Variants in NRCAM observed in about 807,000 individuals in gnomAD.
NRCAM encodes the protein NgCAM-related cell adhesion molecule.
In NRCAM, 83 loss-of-function variants were observed where a neutral mutation model predicts 156.5. The observed-to-expected ratio is 0.53, with a 90% CI of 0.44 to 0.64. The LOEUF is 0.64. Among genes scored for constraint, NRCAM ranks in the 30% least tolerant of loss-of-function variants. NRCAM has a pLI of 0.00. For synonymous variants in NRCAM, 538 were observed against 563.9 expected, an observed-to-expected ratio of 0.95 and a Z score of 0.65; for missense variants, 1,417 against 1,597.3, an observed-to-expected ratio of 0.89 and a Z score of 1.92.
chr7:108,331,838 T>G (rs17155472), intron 2 of NRCAM, among the ~76,000 whole-genome samples: 5,056 of 152,252 alleles, frequency 0.033, 294 homozygotes, highest in African/African-American at 0.11. Flanking sequence ...TCATTGCCAG[T>G]TTTTTTCTGC....
At chr7:108,150,335 A>G (rs926130470) in intron 32 of NRCAM, among the ~76,000 whole-genome samples, 188 bp from the exon 33 acceptor site, 1 of 152,198 alleles carries the variant, frequency 6.6e-6, no homozygotes, top group African/African-American at 2.4e-5. Context: ...AAATGGTTGA[A>G]TCATGAAGTC....
At chr7:108,384,560 A>G (rs1668459776) in intron 2 of NRCAM, among the ~76,000 whole-genome samples, 1 of 152,220 alleles carries the variant, frequency 6.6e-6, no homozygotes, top group African/African-American at 2.4e-5. Flanking sequence ...GAAGGCAGTG[A>G]TAAGAGTAAA....
chr7:108,451,419 AT>A (rs1441631596), intron 1 of NRCAM, among the ~76,000 whole-genome samples: 1 of 152,074 alleles, frequency 6.6e-6, no homozygotes, highest in Non-Finnish European at 1.5e-5. Context: ...TCAAAAAAAA[AT>A]AGAACTACCA....
intron 2 of NRCAM, among the ~76,000 whole-genome samples, chr7:108,361,938 G>A (rs78406517): frequency 0.075 from 11,451 of 151,836 alleles, 451 homozygotes; most frequent in East Asian, 0.11. Context: ...CATGTAATTC[G>A]GCAGTTTTTC....
At chr7:108,279,297 T>C (rs2097767097) in intron 3 of NRCAM, among the ~76,000 whole-genome samples, 1 of 152,214 alleles carries the variant, frequency 6.6e-6, no homozygotes, top group South Asian at 2.1e-4. Context: ...TTGGTGAAAA[T>C]ATTTGACATT....
chr7:108,343,037 G>A (rs898652080), intron 2 of NRCAM, among the ~76,000 whole-genome samples: 1 of 152,176 alleles, frequency 6.6e-6, no homozygotes, highest in Non-Finnish European at 1.5e-5. Context: ...GCCACTCAAG[G>A]GGACCTTTTA....
chr7:108,202,059 A>G (rs1445916221), intron 13 of NRCAM, among the ~76,000 whole-genome samples: 1 of 152,130 alleles, frequency 6.6e-6, no homozygotes, highest in Non-Finnish European at 1.5e-5. Flanking sequence ...GTAACTCTCT[A>G]GCATGCAAAT....
chr7:108,314,488 T>C (rs1159688196), intron 2 of NRCAM, among the ~76,000 whole-genome samples: 1 of 152,168 alleles, frequency 6.6e-6, no homozygotes, highest in Non-Finnish European at 1.5e-5. Context: ...TAAGATTTGA[T>C]GTATTTTTAA....
chr7:108,417,170 G>C (rs903366567), intron 1 of NRCAM, among the ~76,000 whole-genome samples: 2 of 152,188 alleles, frequency 1.3e-5, no homozygotes, highest in Non-Finnish European at 2.9e-5. Context: ...GATCCTTTAA[G>C]CTAATAGCCA....
chr7:108,380,516 T>G lies in NRCAM; in HGVS notation c.-174+18920A>C, dbSNP rs147984766. ...GGTTTCCTATTCTCTGTAGATTTGATCAAGCTTATTTTTCATTTCTTTAAA... is the reference window on the plus strand; with the variant it reads ...GGTTTCCTATTCTCTGTAGATTTGAGCAAGCTTATTTTTCATTTCTTTAAA... On this transcript the variant is annotated intron_variant, in intron 2 of 32. Transcript: ENST00000379028. Among the ~76,000 whole-genome samples, 1,181 of 152,352 alleles carry G rather than the reference T, an allele frequency of 7.8e-3. 13 individuals are homozygous for G. Among genetic ancestry groups the G allele is most frequent in the African/African-American group, 0.027 (1,138 of 41,590 alleles).
chr7:108,410,085 G>A (rs564237680), intron 1 of NRCAM, among the ~76,000 whole-genome samples: 13 of 152,108 alleles, frequency 8.5e-5, no homozygotes, highest in Non-Finnish European at 8.8e-5. Flanking sequence ...AATAGTTCCT[G>A]ACTCAAGAGA....
At chr7:108,440,112 C>T (rs986052618) in intron 1 of NRCAM, among the ~76,000 whole-genome samples, 1 of 152,048 alleles carries the variant, frequency 6.6e-6, no homozygotes, top group South Asian at 2.1e-4. Flanking sequence ...TGGAAACAGT[C>T]CATATGTCTA....
At chr7:108,237,601 A>G (rs2095186004) in intron 5 of NRCAM, 151 bp downstream of exon 5, 1 of 472,188 alleles carries the variant, frequency 2.1e-6, no homozygotes, top group Non-Finnish European at 3.6e-6. Flanking sequence ...TTGGTATTGA[A>G]ATACAATGTT....
At chr7:108,166,578 T>C (rs1011633040) in intron 30 of NRCAM, among the ~76,000 whole-genome samples, 3 of 152,264 alleles carry the variant, frequency 2.0e-5, no homozygotes, top group African/African-American at 7.2e-5. Context: ...AGTTCTTTCA[T>C]CTTCAAAAGC....
chr7:108,440,691 A>G (rs1382557906), intron 1 of NRCAM, among the ~76,000 whole-genome samples: 2 of 152,216 alleles, frequency 1.3e-5, no homozygotes, highest in Non-Finnish European at 2.9e-5. Context: ...ACAAAGTATG[A>G]GCAAAAATGT....
At chr7:108,164,333 T>C (rs1283400573) in intron 30 of NRCAM, among the ~76,000 whole-genome samples, 1 of 151,814 alleles carries the variant, frequency 6.6e-6, no homozygotes, top group Non-Finnish European at 1.5e-5. Context: ...AGGAAAAAAA[T>C]TAAGAAATAT....
chr7:108,351,083 T>TC (rs2099408950), intron 2 of NRCAM, among the ~76,000 whole-genome samples: 1 of 152,174 alleles, frequency 6.6e-6, no homozygotes, highest in Non-Finnish European at 1.5e-5. Context: ...TGGAACCTAA[T>TC]CCCCAATGCA....
chr7:108,322,360 C>A (rs189008709), intron 2 of NRCAM, among the ~76,000 whole-genome samples: 27 of 152,170 alleles, frequency 1.8e-4, no homozygotes, highest in African/African-American at 6.3e-4. Context: ...AAGGAATGAA[C>A]CACAACAGAA....
rs187268536 is a variant in NRCAM, at chr7:108,338,907, G to A, written c.-173-26176C>T. 1.7e-3 allele frequency among the ~76,000 whole-genome samples: 257 copies of A among 152,218 alleles called. 1 individual carries two copies. The highest frequency in any genetic ancestry group is 5.9e-3 in the African/African-American group (243 of 41,530). The stretch of plus-strand genomic sequence containing the variant: ...TAAAAAATCCTTAACCCAGTAACCC[G>A]CAGATGGCCCAAATGCATTCAATCT... On this transcript the variant is annotated intron_variant, in intron 2 of 32. Transcript: ENST00000379028.
Sources: gnomAD v4.1 joint callset for allele counts (sites outside exome capture counted in the v4.1 genomes callset) on GRCh38, gnomAD v4.1.1 for gene constraint, MANE v1.5 for transcripts, NCBI Gene and HGNC (gene_info 2026-07-23, HGNC 2026-07-21) for gene names.